KCNH5: variants seen among roughly 807,000 people sequenced by gnomAD.
KCNH5 encodes the protein potassium voltage-gated channel subfamily H member 5, also known as voltage-gated delayed rectifier potassium channel KCNH5.
KCNH5 carries 46 observed loss-of-function variants against 96.1 expected under a neutral mutation model. The ratio of observed to expected loss-of-function variants is 0.48; its 90% CI spans 0.38 to 0.61. KCNH5 has a LOEUF of 0.61. Ranked by LOEUF, KCNH5 falls within the 20% of genes least tolerant of loss-of-function variation. KCNH5 has a pLI of 0.00. For missense variants in KCNH5, 907 were observed against 1,225.8 expected, an observed-to-expected ratio of 0.74 and a Z score of 3.88; for synonymous variants, 439 against 449.8, an observed-to-expected ratio of 0.98 and a Z score of 0.30.
At chr14:62,998,681 T>G (rs1594667076) in intron 4 of KCNH5, among the ~76,000 whole-genome samples, 1 of 152,230 alleles carries the variant, frequency 6.6e-6, no homozygotes, top group Admixed American at 6.5e-5. Context: ...AAAAATATTT[T>G]TCTAACTTAT....
intron 4 of KCNH5, among the ~76,000 whole-genome samples, chr14:62,997,602 G>A (rs540043283): frequency 8.6e-5 from 13 of 151,900 alleles, no homozygotes; most frequent in Non-Finnish European, 1.6e-4. Flanking sequence ...AGATATTGTT[G>A]GATCCAATTT....
At chr14:62,945,799 ACT>A (rs1345777911) in intron 7 of KCNH5, among the ~76,000 whole-genome samples, 1 of 151,984 alleles carries the variant, frequency 6.6e-6, no homozygotes, top group Admixed American at 6.6e-5. Flanking sequence ...AAGTACAAAG[ACT>A]CTGAGACAGG....
chr14:62,802,525 C>G lies in KCNH5; in HGVS notation c.1626G>C (p.Arg542=), dbSNP rs777044154. 2 of 1,614,106 alleles carry G rather than the reference C, an allele frequency of 1.2e-6. No homozygotes were observed. The highest frequency in any genetic ancestry group is 2.2e-5 in the South Asian group (2 of 91,082). ...MRADICVHLN[R]KVFNEHPAFR... is the part of the protein sequence containing the mutation. ...AAGCAGGATGTTCATTAAAAACCTTCCGGTTTAGATGAACACAGATATCAG... is the reference window on the plus strand; with the variant it reads ...AAGCAGGATGTTCATTAAAAACCTTGCGGTTTAGATGAACACAGATATCAG... Residue 542 remains arginine (R), a synonymous_variant, in exon 9 of 11, where the codon CGG becomes CGC. Coordinates refer to ENST00000322893, the MANE Select transcript of KCNH5 (RefSeq NM_139318.5).
At chr14:62,769,227 TGTGAA>T (rs1335496124) in intron 10 of KCNH5, among the ~76,000 whole-genome samples, 1 of 152,230 alleles carries the variant, frequency 6.6e-6, no homozygotes, top group Non-Finnish European at 1.5e-5. Context: ...GCGTGTAAAC[TGTGAA>T]GTGATGAGTA....
intron 10 of KCNH5, among the ~76,000 whole-genome samples, chr14:62,770,890 G>A (rs888968156): frequency 4.6e-5 from 7 of 152,110 alleles, no homozygotes; most frequent in Non-Finnish European, 2.9e-5. Flanking sequence ...TCTCCCACCC[G>A]CAAATTCATA....
At chr14:62,892,277 T>A (rs1457638446) in intron 7 of KCNH5, among the ~76,000 whole-genome samples, 1 of 152,148 alleles carries the variant, frequency 6.6e-6, no homozygotes, top group African/African-American at 2.4e-5. Context: ...ATTTAAATGA[T>A]CTGGATAGAA....
intron 9 of KCNH5, among the ~76,000 whole-genome samples, chr14:62,799,429 C>T (rs1301741463): frequency 6.0e-5 from 9 of 150,942 alleles, no homozygotes; most frequent in African/African-American, 2.2e-4. Flanking sequence ...CAAAATTAGC[C>T]GGGCGTGGTG....
intron 10 of KCNH5, among the ~76,000 whole-genome samples, chr14:62,720,255 G>A (rs1884778303): frequency 6.6e-6 from 1 of 152,178 alleles, no homozygotes; most frequent in South Asian, 2.1e-4. Flanking sequence ...GGACGTGGAA[G>A]AGGTGGCCAG....
At chr14:62,986,204 G>A (rs529121060) in intron 5 of KCNH5, among the ~76,000 whole-genome samples, 5 of 152,062 alleles carry the variant, frequency 3.3e-5, no homozygotes, top group African/African-American at 1.2e-4. Context: ...TTTGTGCCTT[G>A]GATCCCTATG....
intron 9 of KCNH5, among the ~76,000 whole-genome samples, chr14:62,782,170 GAGAGACAAAGAC>G (rs1886232955): frequency 6.6e-6 from 1 of 152,140 alleles, no homozygotes; most frequent in Non-Finnish European, 1.5e-5. Context: ...AGAAATGAGA[GAGAGACAAAGAC>G]AGTGACAAGA....
At chr14:62,790,081 A>G (rs1488027833) in intron 9 of KCNH5, among the ~76,000 whole-genome samples, 2 of 146,984 alleles carry the variant, frequency 1.4e-5, no homozygotes, top group Non-Finnish European at 3.0e-5. Context: ...TTTTTTTTGT[A>G]TGGGTGGAAA....
chr14:62,972,725 A>G (rs1890432684), intron 6 of KCNH5, among the ~76,000 whole-genome samples: 1 of 152,172 alleles, frequency 6.6e-6, no homozygotes, highest in Admixed American at 6.5e-5. Context: ...AGGAACCTTA[A>G]ATGCCTATTA....
At chr14:62,825,502 A>T (rs1290032475) in intron 8 of KCNH5, among the ~76,000 whole-genome samples, 2 of 152,088 alleles carry the variant, frequency 1.3e-5, no homozygotes, top group Non-Finnish European at 2.9e-5. Flanking sequence ...GAAGACAAAG[A>T]AAAATCTCTC....
At position 62,764,691 on chromosome 14, in the gene KCNH5, T is replaced by TA. The variant is rs956451992; in HGVS notation, c.2019+15036dup. Among the ~76,000 whole-genome samples, 6 of 152,160 alleles carry TA rather than the reference T, an allele frequency of 3.9e-5. No individual in the cohort carries two copies. In the East Asian group the frequency reaches 5.8e-4, roughly 15 times the overall value. On this transcript the variant is annotated intron_variant, in intron 10 of 10. Coordinates refer to ENST00000322893, the MANE Select transcript of KCNH5 (RefSeq NM_139318.5). The stretch of plus-strand genomic sequence containing the variant: ...AAAGTTTTGGGATACAGAATCGATA[T>TA]AAAAAAATCAGTAGCATTTCTATAT...
At chr14:62,814,852 G>A (rs1013550081) in intron 8 of KCNH5, among the ~76,000 whole-genome samples, 1 of 146,962 alleles carries the variant, frequency 6.8e-6, no homozygotes. Flanking sequence ...AGGTGCTTTG[G>A]AAAATCATCT....
intron 10 of KCNH5, among the ~76,000 whole-genome samples, chr14:62,740,648 A>G (rs947879029): frequency 1.3e-5 from 2 of 152,150 alleles, no homozygotes; most frequent in African/African-American, 2.4e-5. Flanking sequence ...ATTTTTATTA[A>G]GCTTATCTTT....
chr14:63,040,667 T>A (rs1287181524), intron 1 of KCNH5, among the ~76,000 whole-genome samples: 1 of 152,190 alleles, frequency 6.6e-6, no homozygotes, highest in Admixed American at 6.5e-5. Flanking sequence ...TTAAATTGGC[T>A]AATTGTAAAA....
intron 7 of KCNH5, among the ~76,000 whole-genome samples, chr14:62,861,262 C>T (rs927640922): frequency 3.3e-5 from 5 of 149,256 alleles, no homozygotes; most frequent in Non-Finnish European, 5.9e-5. Flanking sequence ...TTTTCTATCT[C>T]TAAAAATTGA....
At chr14:62,947,949 G>T (rs1488740443) in intron 7 of KCNH5, among the ~76,000 whole-genome samples, 1 of 151,856 alleles carries the variant, frequency 6.6e-6, no homozygotes, top group Non-Finnish European at 1.5e-5. Flanking sequence ...CTAGCATTAG[G>T]TATATCTCCC....
Sources: gnomAD v4.1 joint callset for allele counts (sites outside exome capture counted in the v4.1 genomes callset) on GRCh38, gnomAD v4.1.1 for gene constraint, MANE v1.5 for transcripts, NCBI Gene and HGNC (gene_info 2026-07-23, HGNC 2026-07-21) for gene names.